Variants in CACHD1 observed in about 807,000 individuals in gnomAD.
CACHD1 encodes VWFA and cache domain-containing protein 1.
In CACHD1, 71 loss-of-function variants were observed where a neutral mutation model predicts 138.7. That is an observed-to-expected ratio of 0.51 (90% confidence interval 0.42 to 0.62). CACHD1 has a LOEUF of 0.62. Ranked by LOEUF, CACHD1 falls within the 20% of genes least tolerant of loss-of-function variation. The probability of loss-of-function intolerance (pLI) is 0.00; values close to 1 mark genes in which losing one functional copy is unlikely to be tolerated. For missense variants in CACHD1, 1,389 were observed against 1,625.3 expected (o/e 0.85, Z 2.50); for synonymous variants, 578 against 591.5 (o/e 0.98, Z 0.33).
chr1:64,684,078 C>T (rs1187897219), intron 26 of CACHD1, among the ~76,000 whole-genome samples: 1 of 152,216 alleles, frequency 6.6e-6, no homozygotes, highest in Admixed American at 6.5e-5. Context: ...TGAAAAATTT[C>T]TATTGCCTAG....
intron 3 of CACHD1, among the ~76,000 whole-genome samples, chr1:64,582,551 A>T (rs1407067991): frequency 6.6e-6 from 1 of 152,172 alleles, no homozygotes; most frequent in East Asian, 1.9e-4. Flanking sequence ...CAAGTTGAGG[A>T]GTATCAACTA....
At chr1:64,569,201 A>G (rs1646907308) in intron 2 of CACHD1, among the ~76,000 whole-genome samples, 1 of 152,184 alleles carries the variant, frequency 6.6e-6, no homozygotes, top group Non-Finnish European at 1.5e-5. Context: ...GATTACAGGC[A>G]TGAGCCACCA....
intron 2 of CACHD1, among the ~76,000 whole-genome samples, chr1:64,561,817 C>T (rs551925567): frequency 1.6e-4 from 23 of 145,202 alleles, no homozygotes; most frequent in African/African-American, 1.0e-4. Context: ...GTGATGATGC[C>T]GCTGCACTCC....
At chr1:64,685,061 A>G (rs1186229341) in intron 26 of CACHD1, among the ~76,000 whole-genome samples, 1 of 152,100 alleles carries the variant, frequency 6.6e-6, no homozygotes, top group Non-Finnish European at 1.5e-5. Context: ...CGCCCACCCC[A>G]GCCTCGCAAT....
At position 64,486,317 on chromosome 1, in the gene CACHD1, A is replaced by G. The variant is rs192652664; in HGVS notation, c.198+15375A>G. On this transcript the variant is annotated intron_variant, in intron 1 of 26. Coordinates refer to ENST00000651257, the MANE Select transcript of CACHD1 (RefSeq NM_020925.4). ...TTTCCATAACCAAAAAAGTTTTCAC[A>G]TATTCATTTATTGTCAAGTTTTGAG... Among the ~76,000 whole-genome samples the G allele has an allele frequency of 1.2e-4, 19 of 152,004 alleles. No homozygotes were observed. The East Asian group carries it at 3.7e-3, about 29-fold the overall frequency.
intron 9 of CACHD1, 142 bp downstream of exon 9, chr1:64,648,176 A>G (rs1648975692): frequency 1.1e-5 from 7 of 654,660 alleles, no homozygotes; most frequent in Non-Finnish European, 1.6e-5. Flanking sequence ...AGAAATCCCC[A>G]GCCCAGGTTC....
chr1:64,550,473 C>A, intron 1 of CACHD1, 121 bp from the exon 2 acceptor site: 1 of 663,000 alleles, frequency 1.5e-6, no homozygotes, highest in Non-Finnish European at 2.6e-6. Context: ...AAAATTACTG[C>A]ATTTTAATTA....
At chr1:64,622,080 A>G (rs540434742) in intron 4 of CACHD1, among the ~76,000 whole-genome samples, 3 of 152,298 alleles carry the variant, frequency 2.0e-5, no homozygotes, top group African/African-American at 7.2e-5. Flanking sequence ...AGAAAATGCA[A>G]AATAGCACCA....
At chr1:64,507,982 T>C (rs1408261501) in intron 1 of CACHD1, among the ~76,000 whole-genome samples, 1 of 152,188 alleles carries the variant, frequency 6.6e-6, no homozygotes, top group Non-Finnish European at 1.5e-5. Flanking sequence ...AGTGGTTTAA[T>C]TGGCTCAGGG....
At chr1:64,581,881 T>C (rs1028321468) in intron 2 of CACHD1, among the ~76,000 whole-genome samples, 3 of 152,206 alleles carry the variant, frequency 2.0e-5, no homozygotes, top group Non-Finnish European at 4.4e-5. Context: ...TCCAGCAAGG[T>C]ATTTTATGGA....
chr1:64,664,220 A>G (rs1649549461), intron 14 of CACHD1: 1 of 524,032 alleles, frequency 1.9e-6, no homozygotes, highest in Non-Finnish European at 3.4e-6. Context: ...GTTAGTGTGT[A>G]TATATGTGTA....
At chr1:64,686,925 C>T (rs1332439938) in intron 26 of CACHD1, among the ~76,000 whole-genome samples, 1 of 152,080 alleles carries the variant, frequency 6.6e-6, no homozygotes, top group Admixed American at 6.5e-5. Context: ...TCTGTGGCCA[C>T]GAGATGGTGA....
At chr1:64,491,273 T>A (rs1252742827) in intron 1 of CACHD1, among the ~76,000 whole-genome samples, 1 of 151,564 alleles carries the variant, frequency 6.6e-6, no homozygotes, top group Non-Finnish European at 1.5e-5. Flanking sequence ...TTTTTTTTTT[T>A]AAAGAAATGA....
chr1:64,619,278 G>A (rs966483195), intron 4 of CACHD1, among the ~76,000 whole-genome samples: 1 of 152,134 alleles, frequency 6.6e-6, no homozygotes, highest in African/African-American at 2.4e-5. Context: ...AATGGGAAGT[G>A]AGAATGCCTG....
At chr1:64,598,922 ATAT>A (rs1463433317) in intron 3 of CACHD1, among the ~76,000 whole-genome samples, 2 of 139,880 alleles carry the variant, frequency 1.4e-5, no homozygotes, top group Non-Finnish European at 3.0e-5. Context: ...AATATCATTA[ATAT>A]TATTATATAT....
chr1:64,518,092 G>T (rs1261065551), intron 1 of CACHD1, among the ~76,000 whole-genome samples: 1 of 152,178 alleles, frequency 6.6e-6, no homozygotes, highest in African/African-American at 2.4e-5. Flanking sequence ...GTTTGGTTTA[G>T]TGTTTTCTAA....
In CACHD1 at chr1:64,548,235, G is replaced by A. The variant is rs138497243; in HGVS notation, c.199-2359G>A. On this transcript the variant is annotated intron_variant, in intron 1 of 26. Transcript: ENST00000651257. Reference sequence around the variant, plus strand: ...TTGGCTTGAGCAGGGTGCATCTGGAGTAGTTCATGCCTCCTTCATCAGTCA... The same window carrying A: ...TTGGCTTGAGCAGGGTGCATCTGGAATAGTTCATGCCTCCTTCATCAGTCA... 2.8e-3 allele frequency among the ~76,000 whole-genome samples: 423 copies of A among 152,292 alleles called. 4 individuals are homozygous for A. The highest frequency in any genetic ancestry group is 9.8e-3 in the African/African-American group (407 of 41,556).
At chr1:64,489,594 T>A (rs1646262251) in intron 1 of CACHD1, among the ~76,000 whole-genome samples, 1 of 152,222 alleles carries the variant, frequency 6.6e-6, no homozygotes, top group Admixed American at 6.5e-5. Context: ...GCTATCCTTC[T>A]GAACCTCAGG....
At chr1:64,678,751 G>C (rs984444458) in intron 23 of CACHD1, among the ~76,000 whole-genome samples, 5 of 152,158 alleles carry the variant, frequency 3.3e-5, no homozygotes, top group African/African-American at 4.8e-5. Context: ...GGAGTCAACA[G>C]AAGCCAGAGC....
Sources: allele counts gnomAD v4.1 joint callset (sites outside exome capture counted in the v4.1 genomes callset), GRCh38; gene constraint gnomAD v4.1.1; transcripts MANE v1.5; gene names NCBI Gene and HGNC (gene_info 2026-07-23, HGNC 2026-07-21).